The following XKR6 variants were observed in gnomAD, a reference collection of about 807,000 sequenced individuals.
XKR6 encodes XK related 6.
A neutral mutation model predicts 56.7 loss-of-function variants in XKR6; 22 were observed. That is an observed-to-expected ratio of 0.39 (90% CI 0.28 to 0.55). The LOEUF is 0.55. XKR6 is among the 20% of genes least tolerant of loss of function. XKR6 has a pLI of 0.66. For synonymous variants in XKR6, 524 were observed against 387.8 expected (o/e 1.35, Z -4.13); for missense variants, 852 against 889.0 (o/e 0.96, Z 0.53).
At chr8:11,087,962 A>G (rs1797945472) in intron 1 of XKR6, among the ~76,000 whole-genome samples, 1 of 152,274 alleles carries the variant, frequency 6.6e-6, no homozygotes, top group Non-Finnish European at 1.5e-5. Flanking sequence ...AAGCCATTAA[A>G]ACAAACAACT....
intron 1 of XKR6, chr8:11,129,038 G>A (rs531853605): frequency 6.4e-5 from 29 of 451,626 alleles, no homozygotes; most frequent in African/African-American, 5.6e-4. Flanking sequence ...GTGAAATTAA[G>A]CACATCTTAG....
At chr8:11,196,195 G>C (rs1313644900) in intron 1 of XKR6, among the ~76,000 whole-genome samples, 2 of 152,106 alleles carry the variant, frequency 1.3e-5, no homozygotes, top group Non-Finnish European at 2.9e-5. Flanking sequence ...GGACATTACA[G>C]ATCACTTATC....
In XKR6 at chr8:11,150,403, G is replaced by A. The variant is rs538758970; in HGVS notation, c.764+50173C>T. Reference sequence around the variant, plus strand: ...AACCCACTGTTGTTTTATGCTTTATGCATAAGCCATTTGTAGAAAACAAGG... The same window carrying A: ...AACCCACTGTTGTTTTATGCTTTATACATAAGCCATTTGTAGAAAACAAGG... On this transcript the variant is annotated intron_variant, in intron 1 of 2. Transcript: ENST00000416569. Among the ~76,000 whole-genome samples the A allele has an allele frequency of 3.3e-5, 5 of 152,214 alleles. No individual in the cohort carries two copies. In the South Asian group the frequency reaches 1.0e-3, roughly 32 times the overall value.
chr8:11,103,921 T>C (rs538061648), intron 1 of XKR6, among the ~76,000 whole-genome samples: 4 of 152,354 alleles, frequency 2.6e-5, no homozygotes, highest in South Asian at 2.1e-4. Context: ...CTTCCACTGT[T>C]GCGGAATTTA....
rs1261491082 is a variant in XKR6 at position 11,200,691 on chromosome 8, G to A, written c.649C>T (p.Arg217Cys). The stretch of plus-strand genomic sequence containing the variant: ...GAGACCCTCACGCCTGGGCCACCGC[G>A]GGCCGCGCCGTGGACGTAGCCGGCC... ...MGAGYVHGAA[R>C]GGPGVRVSPT... Residue 217 changes from arginine (R) to cysteine (C), a missense_variant, in exon 1 of 3, where the codon CGC (arginine) becomes TGC (cysteine). By Grantham distance (180) the Arg-to-Cys change is radical (BLOSUM62 -3). Coordinates refer to ENST00000416569, the MANE Select transcript of XKR6 (RefSeq NM_173683.4). This position sits in a 1 kb window ranked among gnomAD's most constrained non-coding sequence, Gnocchi z 6.4. 1 of 1,570,216 alleles carries A rather than the reference G, an allele frequency of 6.4e-7. No homozygotes were observed. Among genetic ancestry groups the A allele is most frequent in the Non-Finnish European group, 8.6e-7 (1 of 1,166,582 alleles).
intron 1 of XKR6, among the ~76,000 whole-genome samples, chr8:11,190,270 GAAAAGAAAGGAAAAT>G (rs1286867911): frequency 5.9e-5 from 9 of 151,270 alleles, no homozygotes; most frequent in Middle Eastern, 3.5e-3. Context: ...GAAAGGAAAA[GAAAAGAAAGGAAAAT>G]AAAAGAAAAG....
intron 1 of XKR6, chr8:11,123,274 A>C (rs1451576510): frequency 1.3e-5 from 2 of 152,026 alleles, no homozygotes; most frequent in Non-Finnish European, 2.9e-5. Flanking sequence ...CCCACACACA[A>C]ACAAAACCAT....
intron 1 of XKR6, among the ~76,000 whole-genome samples, chr8:11,187,751 T>C (rs1220109373): frequency 6.6e-6 from 1 of 152,142 alleles, no homozygotes; most frequent in Non-Finnish European, 1.5e-5. Context: ...TCAATGATGG[T>C]GTGGGGGCAC....
chr8:10,954,242 T>C (rs532651091), intron 1 of XKR6, among the ~76,000 whole-genome samples: 3 of 152,378 alleles, frequency 2.0e-5, no homozygotes, highest in Non-Finnish European at 2.9e-5. Context: ...AACCAGCAAG[T>C]TGTTTTTCAT....
chr8:10,915,366 G>A (rs563759050), intron 2 of XKR6, among the ~76,000 whole-genome samples: 1 of 152,098 alleles, frequency 6.6e-6, no homozygotes, highest in African/African-American at 2.4e-5. Context: ...AAGCTACCTC[G>A]CTCACTTTCA....
chr8:11,199,558 G>T (rs1013779897), intron 1 of XKR6, among the ~76,000 whole-genome samples: 3 of 152,114 alleles, frequency 2.0e-5, no homozygotes, highest in African/African-American at 7.2e-5. Context: ...TTTTTCTCTT[G>T]CAAATGCTCT....
chr8:10,898,525 G>T lies in XKR6; in HGVS notation c.1353C>A (p.Thr451=), dbSNP rs142242465. ...AAAGGAACGTCAAGGCAGCATTCTC[G>T]GTCAAGACTATCGTATAATATGCAA... The part of the protein sequence containing the change: ...RMFAYYTIVL[T]ENAALTFLWY... The change falls in exon 3 of 3, where the codon ACC becomes ACA. Residue 451 remains threonine (T), a synonymous_variant. Coordinates refer to ENST00000416569, the MANE Select transcript of XKR6 (RefSeq NM_173683.4). This position sits in a 1 kb window ranked among gnomAD's most constrained non-coding sequence, Gnocchi z 6.6. 1 of 1,613,928 alleles carries T rather than the reference G, an allele frequency of 6.2e-7. No individual in the cohort carries two copies. Among genetic ancestry groups the T allele is most frequent in the Non-Finnish European group, 8.5e-7 (1 of 1,179,986 alleles).
chr8:11,069,004 C>T (rs747784607), intron 1 of XKR6, among the ~76,000 whole-genome samples: 86 of 152,188 alleles, frequency 5.7e-4, no homozygotes, highest in Non-Finnish European at 1.1e-3. Flanking sequence ...AGCCCAACCT[C>T]GGGGTCCTGA....
chr8:11,015,355 TC>T (rs1798594567), intron 1 of XKR6, among the ~76,000 whole-genome samples: 1 of 151,990 alleles, frequency 6.6e-6, no homozygotes, highest in African/African-American at 2.4e-5. Flanking sequence ...TTTTTTTCGG[TC>T]CAGATTTTTG....
Position 11,095,585 on chromosome 8 carries a change from A to G in XKR6, c.764+104991T>C, listed in dbSNP as rs1269419496. Among the ~76,000 whole-genome samples, 5 of 152,332 alleles carry G rather than the reference A, an allele frequency of 3.3e-5. No homozygotes were observed. In the East Asian group the frequency reaches 7.7e-4, roughly 23 times the overall value. On this transcript the variant is annotated intron_variant, in intron 1 of 2. Transcript: ENST00000416569. ...AATGACAGCCTGATTCTCCTAGTGA[A>G]CAGATGTACTGACTGTGACAAAACG...
intron 1 of XKR6, among the ~76,000 whole-genome samples, chr8:11,123,009 G>T (rs567442390): frequency 6.6e-6 from 1 of 152,016 alleles, no homozygotes; most frequent in Non-Finnish European, 1.5e-5. Flanking sequence ...GGCCGAGGTG[G>T]GTGGATCACC....
chr8:11,189,879 G>C (rs1164644959), intron 1 of XKR6, among the ~76,000 whole-genome samples: 1 of 152,152 alleles, frequency 6.6e-6, no homozygotes, highest in African/African-American at 2.4e-5. Flanking sequence ...TGCTTTGGAC[G>C]GGTGCAGTGG....
intron 1 of XKR6, among the ~76,000 whole-genome samples, chr8:10,969,811 G>A (rs3923293): frequency 1.3e-5 from 2 of 152,168 alleles, no homozygotes; most frequent in East Asian, 3.8e-4. Context: ...TGTCCCAAGA[G>A]AGCTTCCTGC....
intron 2 of XKR6, among the ~76,000 whole-genome samples, chr8:10,910,376 C>A (rs565188660): frequency 6.6e-6 from 1 of 152,110 alleles, no homozygotes; most frequent in Non-Finnish European, 1.5e-5. Context: ...GGTATCCTAA[C>A]GGGCCTGGAG....
Sources: allele counts gnomAD v4.1 joint callset (sites outside exome capture counted in the v4.1 genomes callset), GRCh38; gene constraint gnomAD v4.1.1; non-coding constraint Gnocchi (gnomAD v3.1); transcripts MANE v1.5; gene names NCBI Gene and HGNC (gene_info 2026-07-23, HGNC 2026-07-21).